Variants in TEX14 observed in about 807,000 individuals in gnomAD.
TEX14 encodes testis expressed 14, intercellular bridge forming factor.
A neutral mutation model predicts 178.6 loss-of-function variants in TEX14; 168 were observed. The observed-to-expected ratio is 0.94, with a 90% CI of 0.83 to 1.07. The LOEUF is 1.07. Among genes scored for constraint, TEX14 ranks in the 50% least tolerant of loss-of-function variants. The probability of loss-of-function intolerance (pLI) is 0.00; values close to 1 mark genes in which losing one functional copy is unlikely to be tolerated. For synonymous variants in TEX14, 626 were observed against 634.1 expected (o/e 0.99, Z 0.19); for missense variants, 1,730 against 1,753.6 (o/e 0.99, Z 0.24).
At chr17:58,632,162 C>T (rs746138663) in intron 2 of TEX14, among the ~76,000 whole-genome samples, 4 of 152,132 alleles carry the variant, frequency 2.6e-5, no homozygotes, top group Non-Finnish European at 2.9e-5. Context: ...GGAAACTGCC[C>T]GGTTTGGACT....
intron 4 of TEX14, 84 bp downstream of exon 4, chr17:58,622,763 C>T (rs571108582): frequency 2.9e-5 from 39 of 1,340,774 alleles, no homozygotes; most frequent in Admixed American, 1.5e-4. Context: ...GGCCACTGTA[C>T]GCTCTGTGCT....
At chr17:58,622,635 C>T (rs749856387) in intron 4 of TEX14, among the ~76,000 whole-genome samples, 3 of 152,188 alleles carry the variant, frequency 2.0e-5, no homozygotes, top group Non-Finnish European at 4.4e-5. Flanking sequence ...GACAAAATTA[C>T]AGTTGTTTGC....
intron 1 of TEX14, among the ~76,000 whole-genome samples, chr17:58,685,081 A>G (rs1241588327): frequency 1.3e-5 from 2 of 152,228 alleles, no homozygotes; most frequent in African/African-American, 4.8e-5. Context: ...CGAATGAAAA[A>G]TCCATTTATA....
chr17:58,670,246 C>G (rs116088217), intron 1 of TEX14, among the ~76,000 whole-genome samples: 1 of 152,060 alleles, frequency 6.6e-6, no homozygotes, highest in Admixed American at 6.6e-5. Flanking sequence ...TACAGACTGT[C>G]GAAGGACCTG....
rs2046261850 is a variant in TEX14 at position 58,630,482 on chromosome 17, T to G, written c.209A>C (p.Lys70Thr). 2.5e-6 allele frequency: 4 copies of G among 1,614,130 alleles called. No individual in the cohort carries two copies. The East Asian group carries it at 8.9e-5, about 36-fold the overall frequency. The change falls in exon 3 of 32, where the codon AAA becomes ACA. Residue 70 changes from lysine to threonine, a missense_variant. Around this residue, in one of 2 missense-constraint regions of TEX14, gnomAD observed 789 missense variants for 681.2 expected, o/e 1.16. Coordinates refer to ENST00000349033, the MANE Select transcript of TEX14 (RefSeq NM_031272.5). ...LFVAALLGLR[K>T]FVDVLVDYGS... Reference sequence around the variant, plus strand: ...ATAATCCACCAGAACATCAACGAATTTCCTAAGGCCCAATAACGCCGCAAC... The same window carrying G: ...ATAATCCACCAGAACATCAACGAATGTCCTAAGGCCCAATAACGCCGCAAC...
At chr17:58,680,539 C>T (rs2047483524) in intron 1 of TEX14, among the ~76,000 whole-genome samples, 1 of 152,168 alleles carries the variant, frequency 6.6e-6, no homozygotes, top group Non-Finnish European at 1.5e-5. Context: ...GTCAGGAATT[C>T]GAGACCAGCC....
chr17:58,605,049 A>G lies in TEX14; in HGVS notation c.1265T>C (p.Ile422Thr), dbSNP rs777743557. The change falls in exon 11 of 32, where the codon ATC becomes ACC. Residue 422 changes from isoleucine (I) to threonine (T), a missense_variant. Physicochemically the swap from Ile to Thr is moderately conservative, Grantham distance 89. This residue lies in a region of TEX14 where 789 missense variants were observed against 681.2 expected (regional missense o/e 1.16). Transcript: ENST00000349033. ...TTTCACTGTGGCTGCCTTCTGTAAGATCACTTCTGGTGCGGCCCAGTTGTA... is the reference window on the plus strand; with the variant it reads ...TTTCACTGTGGCTGCCTTCTGTAAGGTCACTTCTGGTGCGGCCCAGTTGTA... ...QLYNWAAPEVILQKAATVKSD... is the reference protein window; with the variant it reads ...QLYNWAAPEVTLQKAATVKSD... 5 of 1,614,164 alleles carry G rather than the reference A, an allele frequency of 3.1e-6. No homozygotes were observed. The South Asian group carries it at 5.5e-5, about 18-fold the overall frequency.
intron 1 of TEX14, among the ~76,000 whole-genome samples, chr17:58,667,435 G>C (rs1598431168): frequency 6.6e-6 from 1 of 152,220 alleles, no homozygotes; most frequent in East Asian, 1.9e-4. Flanking sequence ...ATGTGAGTCA[G>C]GCAACCCAAT....
chr17:58,615,346 C>A lies in TEX14; in HGVS notation c.768-1G>T. On this transcript the variant is annotated splice_acceptor_variant, in intron 7 of 31. Transcript: ENST00000349033. LOFTEE classifies it high-confidence loss of function. Reference sequence around the variant, plus strand: ...GACCCTGCTCCCATTCCACACTAGGCTACAAGGACAGGAAAGAGTTTCAGC... The same window carrying A: ...GACCCTGCTCCCATTCCACACTAGGATACAAGGACAGGAAAGAGTTTCAGC... The A allele has an allele frequency of 1.3e-6, 2 of 1,582,364 alleles. No individual in the cohort carries two copies. Among genetic ancestry groups the A allele is most frequent in the Non-Finnish European group, 1.7e-6 (2 of 1,151,238 alleles).
intron 1 of TEX14, among the ~76,000 whole-genome samples, chr17:58,685,435 C>CA (rs761981101): frequency 0.017 from 1,318 of 78,542 alleles, 20 homozygotes; most frequent in African/African-American, 0.05. Flanking sequence ...GACTCGGTGT[C>CA]AAAAAAAAAA....
At chr17:58,610,996 C>G (rs369458573) in intron 10 of TEX14, among the ~76,000 whole-genome samples, 165 bp downstream of exon 10, 10 of 152,172 alleles carry the variant, frequency 6.6e-5, no homozygotes, top group African/African-American at 1.9e-4. Flanking sequence ...CCAAATTCCT[C>G]TAGCCTTGGC....
intron 1 of TEX14, among the ~76,000 whole-genome samples, chr17:58,662,415 T>TCTCACACACA: frequency 1.7e-5 from 2 of 114,996 alleles, no homozygotes; most frequent in African/African-American, 2.7e-5. Flanking sequence ...CACACATATC[T>TCTCACACACA]CACACACACA....
intron 4 of TEX14, among the ~76,000 whole-genome samples, chr17:58,622,111 G>A (rs985407410): frequency 1.3e-5 from 2 of 152,160 alleles, no homozygotes; most frequent in Non-Finnish European, 2.9e-5. Flanking sequence ...CACTGTACCT[G>A]CCCTTTGAGT....
chr17:58,576,456 T>A (rs570940467), intron 21 of TEX14, among the ~76,000 whole-genome samples: 9 of 152,252 alleles, frequency 5.9e-5, no homozygotes, highest in Non-Finnish European at 7.4e-5. Flanking sequence ...TGCAGTGAGC[T>A]GAGATCACGC....
rs1056239353 is a variant in TEX14 at position 58,602,909 on chromosome 17, T to C, written c.1337-319A>G. 2.7e-5 allele frequency among the ~76,000 whole-genome samples: 4 copies of C among 150,782 alleles called. No individual in the cohort carries two copies. The East Asian group carries it at 6.0e-4, about 22-fold the overall frequency. On this transcript the variant is annotated intron_variant, in intron 11 of 31. Coordinates refer to ENST00000349033, the MANE Select transcript of TEX14 (RefSeq NM_031272.5). Reference sequence around the variant, plus strand: ...GGTGAAATCCCCTCTCTACTAAAAATACAAAAATTAGCCAGGCGTGGTGGC... The same window carrying C: ...GGTGAAATCCCCTCTCTACTAAAAACACAAAAATTAGCCAGGCGTGGTGGC...
At chr17:58,685,376 C>T (rs1430172253) in intron 1 of TEX14, among the ~76,000 whole-genome samples, 2 of 149,358 alleles carry the variant, frequency 1.3e-5, no homozygotes, top group African/African-American at 5.0e-5. Flanking sequence ...GTGGAGGTTG[C>T]AGTGAGCCGA....
At chr17:58,644,638 CTTTTTTT>C (rs34373378) in intron 2 of TEX14, among the ~76,000 whole-genome samples, 7 of 39,566 alleles carry the variant, frequency 1.8e-4, no homozygotes, top group East Asian at 7.8e-4. Flanking sequence ...CCGCACCTGG[CTTTTTTT>C]TTTTTTTTTT....
At chr17:58,644,808 G>A (rs1171992811) in intron 2 of TEX14, among the ~76,000 whole-genome samples, 1 of 148,348 alleles carries the variant, frequency 6.7e-6, no homozygotes, top group East Asian at 2.0e-4. Context: ...CCGCCACCAC[G>A]CCTGGCTAAT....
At chr17:58,570,910 C>T (rs1411779530) in intron 24 of TEX14, among the ~76,000 whole-genome samples, 2 of 152,014 alleles carry the variant, frequency 1.3e-5, no homozygotes, top group East Asian at 3.9e-4. Context: ...GGATTACAGG[C>T]ATAAGCCACT....
Sources: allele counts gnomAD v4.1 joint callset (sites outside exome capture counted in the v4.1 genomes callset), GRCh38; gene constraint gnomAD v4.1.1; regional missense constraint gnomAD v4.1.1; transcripts MANE v1.5; gene names NCBI Gene and HGNC (gene_info 2026-07-23, HGNC 2026-07-21).